The following CYTH1 variants were observed in gnomAD, a reference collection of about 807,000 sequenced individuals.
CYTH1 encodes cytohesin-1.
Under a neutral mutation model 61.8 loss-of-function variants are expected in CYTH1, and 18 were observed. The observed-to-expected ratio is 0.29, with a 90% CI of 0.20 to 0.43. The LOEUF (loss-of-function observed/expected upper bound fraction) is 0.43, where lower values mean the gene tolerates loss of function less well. CYTH1 is among the 20% of genes least tolerant of loss of function. The pLI is 1.00. For synonymous variants in CYTH1, 174 were observed against 184.3 expected (o/e 0.94, Z 0.45); for missense variants, 336 against 510.5 (o/e 0.66, Z 3.29).
intron 1 of CYTH1, among the ~76,000 whole-genome samples, chr17:78,750,473 C>A (rs930438202): frequency 6.6e-6 from 1 of 152,106 alleles, no homozygotes; most frequent in African/African-American, 2.4e-5. Flanking sequence ...GAGGGCTAAG[C>A]TATAGCTGAT....
At chr17:78,776,253 C>T (rs143813637) in intron 1 of CYTH1, among the ~76,000 whole-genome samples, 1 of 152,248 alleles carries the variant, frequency 6.6e-6, no homozygotes, top group African/African-American at 2.4e-5. Context: ...TACAGAGCAA[C>T]AGGATGAACA....
rs2093001855 is a variant in CYTH1 at position 78,700,890 on chromosome 17, TG to T, written c.438-448del. 6.6e-6 allele frequency among the ~76,000 whole-genome samples: 1 copy of T among 152,198 alleles called. No individual in the cohort carries two copies. Among genetic ancestry groups the T allele is most frequent in the Admixed American group, 6.5e-5 (1 of 15,284 alleles). On this transcript the variant is annotated intron_variant, in intron 6 of 13. Transcript: ENST00000446868. This position sits in a 1 kb window ranked among gnomAD's most constrained non-coding sequence, Gnocchi z 5.1. ...CTGCTGGGCTGCAGCCTTCTGTTAC[TG>T]TAACTCTGAACAGATGCAAAGTTGC...
rs2093521973 is a variant in CYTH1 at position 78,782,208 on chromosome 17, T to C, written c.16A>G (p.Ser6Gly). 7.3e-7 allele frequency: 1 copy of C among 1,369,120 alleles called. No homozygotes were observed. 84.8% of individuals were successfully genotyped at this position (1,369,120 alleles called of 1,614,324 possible). Residue 6 changes from serine (S) to glycine (G), a missense_variant, in exon 1 of 14, where the codon AGC (serine) becomes GGC (glycine). This residue lies in a region of CYTH1 where 112 missense variants were observed against 127.1 expected (regional missense o/e 0.88). Coordinates refer to ENST00000446868, the MANE Select transcript of CYTH1 (RefSeq NM_004762.6). Reference sequence around the variant, plus strand: ...GCCGCCGGGGCGCACTGACCGTAGCTGTCGTCCTCCTCCATGGTGCGGGAG... The same window carrying C: ...GCCGCCGGGGCGCACTGACCGTAGCCGTCGTCCTCCTCCATGGTGCGGGAG... MEEDDSYVPSDLTAEE... is the reference protein window; with the variant it reads MEEDDGYVPSDLTAEE...
chr17:78,728,938 A>G (rs1029670538), intron 1 of CYTH1, among the ~76,000 whole-genome samples: 6 of 152,244 alleles, frequency 3.9e-5, no homozygotes, highest in African/African-American at 1.4e-4. Context: ...GAATAATTCT[A>G]GAATAGAGCA....
At chr17:78,739,883 C>A (rs1479858669) in intron 1 of CYTH1, among the ~76,000 whole-genome samples, 1 of 151,930 alleles carries the variant, frequency 6.6e-6, no homozygotes, top group Non-Finnish European at 1.5e-5. Context: ...AGAGAGAAGT[C>A]AAGGGTGACT....
At chr17:78,737,945 CAT>C (rs2093327670) in intron 1 of CYTH1, among the ~76,000 whole-genome samples, 1 of 151,796 alleles carries the variant, frequency 6.6e-6, no homozygotes, top group African/African-American at 2.4e-5. Context: ...TTACTTATAA[CAT>C]TTTTTCATGA....
intron 1 of CYTH1, among the ~76,000 whole-genome samples, chr17:78,743,249 C>CGGT (rs2093348230): frequency 6.6e-6 from 1 of 152,134 alleles, no homozygotes; most frequent in Non-Finnish European, 1.5e-5. Flanking sequence ...TATCTCTGGG[C>CGGT]GGTGGGATGG....
At chr17:78,775,177 C>T (rs1260969569) in intron 1 of CYTH1, among the ~76,000 whole-genome samples, 2 of 152,242 alleles carry the variant, frequency 1.3e-5, no homozygotes, top group Non-Finnish European at 2.9e-5. Flanking sequence ...CCACACCTAA[C>T]CCGGCACAGA....
intron 1 of CYTH1, among the ~76,000 whole-genome samples, chr17:78,778,696 C>T (rs2093503862): frequency 6.7e-6 from 1 of 148,928 alleles, no homozygotes; most frequent in East Asian, 2.0e-4. Flanking sequence ...GGCACAGTGA[C>T]TCAACCCAAC....
intron 1 of CYTH1, among the ~76,000 whole-genome samples, chr17:78,713,624 T>G (rs9913777): frequency 0.013 from 1,951 of 149,806 alleles, 28 homozygotes; most frequent in African/African-American, 0.045. Flanking sequence ...CGTTGCTTTC[T>G]TTTCAGAATC....
At chr17:78,698,018 C>T (rs113094786) in intron 9 of CYTH1, among the ~76,000 whole-genome samples, 2,209 of 152,276 alleles carry the variant, frequency 0.015, 26 homozygotes, top group Non-Finnish European at 0.023. Context: ...TTTTGGAAGC[C>T]GACCTTTGTT....
chr17:78,696,057 C>G (rs763555356), intron 9 of CYTH1, 48 bp from the exon 10 acceptor site: 5 of 1,367,140 alleles, frequency 3.7e-6, no homozygotes, highest in Admixed American at 3.8e-5. Flanking sequence ...TGGAAACATA[C>G]AAATGAGGGA....
chr17:78,676,646 G>C (rs2092702585), intron 13 of CYTH1: 4 of 287,108 alleles, frequency 1.4e-5, no homozygotes, highest in South Asian at 6.5e-5. Context: ...CACCTGCTCA[G>C]TAACTAAGGC....
chr17:78,744,944 A>C (rs1477878527), intron 1 of CYTH1, among the ~76,000 whole-genome samples: 2 of 152,108 alleles, frequency 1.3e-5, no homozygotes. Context: ...TAACTCTTGC[A>C]AGAAAAAAAA....
chr17:78,734,386 T>C (rs1365220638), intron 1 of CYTH1, among the ~76,000 whole-genome samples: 4 of 99,296 alleles, frequency 4.0e-5, no homozygotes, highest in Non-Finnish European at 7.7e-5. Context: ...GAATGAAAAC[T>C]GACGAATGTA....
intron 1 of CYTH1, among the ~76,000 whole-genome samples, chr17:78,718,500 T>C (rs1292021911): frequency 6.6e-6 from 1 of 152,076 alleles, no homozygotes; most frequent in Non-Finnish European, 1.5e-5. Flanking sequence ...ACTCCAAATA[T>C]CCTGAGCACT....
Position 78,698,246 on chromosome 17 carries a change from C to A in CYTH1, c.811+23G>T, listed in dbSNP as rs561629164. 3.8e-6 allele frequency: 6 copies of A among 1,586,426 alleles called. No homozygotes were observed. In the South Asian group the frequency reaches 6.6e-5, roughly 18 times the overall value. The stretch of plus-strand genomic sequence containing the variant: ...TCTTCCTAAGTCTCAGCTTTAGGAG[C>A]CCTGACTCAGAGGTGCGCTTACCGA... On this transcript the variant is annotated intron_variant, in intron 9 of 13. Coordinates refer to ENST00000446868, the MANE Select transcript of CYTH1 (RefSeq NM_004762.6).
chr17:78,753,058 A>T (rs895202784), intron 1 of CYTH1, among the ~76,000 whole-genome samples: 2 of 152,130 alleles, frequency 1.3e-5, no homozygotes, highest in Non-Finnish European at 2.9e-5. Flanking sequence ...AGGCACATGT[A>T]TGAGTGAGTG....
At chr17:78,759,015 A>G (rs1208819854) in intron 1 of CYTH1, among the ~76,000 whole-genome samples, 1 of 151,640 alleles carries the variant, frequency 6.6e-6, no homozygotes, top group Non-Finnish European at 1.5e-5. Context: ...AGGTGGGAGG[A>G]TTGCTTAAGC....
Sources: gnomAD v4.1 joint callset for allele counts (sites outside exome capture counted in the v4.1 genomes callset) on GRCh38, gnomAD v4.1.1 for gene constraint, gnomAD v4.1.1 regional missense constraint, Gnocchi (gnomAD v3.1) non-coding constraint, MANE v1.5 for transcripts, NCBI Gene and HGNC (gene_info 2026-07-23, HGNC 2026-07-21) for gene names.